The following CHRNB4 variants were observed in gnomAD, a reference collection of about 807,000 sequenced individuals.
The protein encoded by CHRNB4 is neuronal acetylcholine receptor subunit beta-4.
CHRNB4 carries 23 observed loss-of-function variants against 40.4 expected under a neutral mutation model. That is an observed-to-expected ratio of 0.57 (90% CI 0.41 to 0.81). CHRNB4 has a LOEUF of 0.81. Ranked by LOEUF, CHRNB4 falls within the 30% of genes least tolerant of loss-of-function variation. The pLI is 0.00. For missense variants in CHRNB4, 568 were observed against 670.6 expected (o/e 0.85, Z 1.69); for synonymous variants, 285 against 274.4 (o/e 1.04, Z -0.38).
intron 1 of CHRNB4, among the ~76,000 whole-genome samples, chr15:78,658,767 C>T (rs1420402413): frequency 6.6e-6 from 1 of 152,178 alleles, no homozygotes; most frequent in South Asian, 2.1e-4. Flanking sequence ...CTGCTAGGCC[C>T]TGACCTGAAC....
chr15:78,649,646 A>T (rs978854450), intron 6 of CHRNB4, among the ~76,000 whole-genome samples: 4 of 152,230 alleles, frequency 2.6e-5, no homozygotes, highest in Non-Finnish European at 4.4e-5. Flanking sequence ...TAAGCAAAAA[A>T]GTTTTGAATA....
upstream of CHRNB4, among the ~76,000 whole-genome samples, chr15:78,641,887 G>A (rs184660055): frequency 2.0e-4 from 30 of 152,320 alleles, no homozygotes; most frequent in African/African-American, 6.7e-4. Flanking sequence ...TCCTTGACGC[G>A]TTTTTGGAAT....
chr15:78,657,035 C>CT lies in CHRNB4; in HGVS notation c.-709+296dup, dbSNP rs146412541. On this transcript the variant is annotated intron_variant and NMD_transcript_variant, in intron 3 of 11. Transcript: ENST00000559849. ...TCCCTCCAATTGTTTTTCTTTTCTT[C>CT]TTTTTTTTTTTTGGAGACAGTTTCT... is the stretch of plus-strand genomic sequence containing the variant. Among the ~76,000 whole-genome samples the CT allele has an allele frequency of 1.5e-3, 219 of 144,838 alleles. 2 individuals are homozygous for CT. Among genetic ancestry groups the CT allele is most frequent in the Middle Eastern group, 0.014 (4 of 286 alleles).
chr15:78,650,938 G>C (rs1035126174), intron 6 of CHRNB4, among the ~76,000 whole-genome samples: 1 of 152,182 alleles, frequency 6.6e-6, no homozygotes, highest in African/African-American at 2.4e-5. Flanking sequence ...GTCGGGCTTT[G>C]TGAGATTTCA....
Position 78,641,085 on chromosome 15 carries a change from C to T in CHRNB4, c.49G>A (p.Gly17Arg), listed in dbSNP as rs540605951. Residue 17 changes from glycine (G) to arginine (R), a missense_variant, in exon 1 of 6, where the codon GGG (glycine) becomes AGG (arginine). Transcript: ENST00000261751. ...LVLFFLVALCGRGNCRVANAE... is the reference protein window; with the variant it reads ...LVLFFLVALCRRGNCRVANAE... ...TTCCCCGAAAAGAACTCACCGCGCC[C>T]GCAAAGGGCGACCAGGAAGAAAAGG... 2.0e-5 allele frequency: 32 copies of T among 1,580,358 alleles called. No individual in the cohort carries two copies. In the South Asian group the frequency reaches 2.8e-4, roughly 14 times the overall value.
chr15:78,639,584 C>T (rs527806704), intron 1 of CHRNB4, among the ~76,000 whole-genome samples: 129 of 152,312 alleles, frequency 8.5e-4, no homozygotes, highest in African/African-American at 2.9e-3. Context: ...AAGTGTGAGC[C>T]ACCGCGCCTG....
intron 2 of CHRNB4, among the ~76,000 whole-genome samples, chr15:78,633,766 A>G (rs1395103765): frequency 6.6e-6 from 1 of 152,086 alleles, no homozygotes; most frequent in East Asian, 1.9e-4. Context: ...AGAATGTGTC[A>G]AGTACAGGGG....
Position 78,629,507 on chromosome 15 carries a change from C to G in CHRNB4, c.798G>C (p.Leu266=). ...LPSDCGEKMT[L]CISVLLALTF... ...TCAGTGCCAGCAGCACTGAGATGCACAGTGTCATCTTCTCGCCGCAGTCGG... is the reference window on the plus strand; with the variant it reads ...TCAGTGCCAGCAGCACTGAGATGCAGAGTGTCATCTTCTCGCCGCAGTCGG... Residue 266 remains leucine (L), a synonymous_variant, in exon 5 of 6, where the codon CTG becomes CTC. Coordinates refer to ENST00000261751, the MANE Select transcript of CHRNB4 (RefSeq NM_000750.5). This position sits in a 1 kb window ranked among gnomAD's most constrained non-coding sequence, Gnocchi z 6.8. 3.1e-6 allele frequency: 5 copies of G among 1,614,132 alleles called. No homozygotes were observed. The highest frequency in any genetic ancestry group is 4.2e-6 in the Non-Finnish European group (5 of 1,180,020).
chr15:78,647,055 A>G lies in CHRNB4; in HGVS notation c.46+2324T>C, dbSNP rs1241389262. Among the ~76,000 whole-genome samples, 9 of 152,154 alleles carry G rather than the reference A, an allele frequency of 5.9e-5. No individual in the cohort carries two copies. The South Asian group carries it at 1.9e-3, about 32-fold the overall frequency. ...CTTAGGAGGCTGAGGCGGGAGGATC[A>G]CTGGAGCCCAGGAGTTTGAGGCTGC... On this transcript the variant is annotated intron_variant and NMD_transcript_variant, in intron 7 of 11. Transcript: ENST00000559849.
upstream of CHRNB4, among the ~76,000 whole-genome samples, chr15:78,642,123 T>G (rs2054084391): frequency 2.0e-5 from 3 of 152,150 alleles, no homozygotes; most frequent in Non-Finnish European, 2.9e-5. Context: ...TGCCACCTTA[T>G]CTCCAGGACT....
At chr15:78,653,432 C>A (rs1324076814) in intron 5 of CHRNB4, among the ~76,000 whole-genome samples, 5 of 152,172 alleles carry the variant, frequency 3.3e-5, no homozygotes, top group Admixed American at 6.5e-5. Flanking sequence ...ATTGAAGGAC[C>A]TCCTTACTCC....
intron 1 of CHRNB4, among the ~76,000 whole-genome samples, chr15:78,638,945 A>T (rs1426884650): frequency 6.6e-6 from 1 of 152,172 alleles, no homozygotes; most frequent in Non-Finnish European, 1.5e-5. Flanking sequence ...AATGATTCTG[A>T]TGAGGAGTGG....
At chr15:78,661,588 G>T (rs12437528), upstream of CHRNB4, 10,024 of 516,552 alleles carry the variant, frequency 0.019, 288 homozygotes, top group Admixed American at 0.092. Context: ...GGTCCTTGTT[G>T]GGGCGGATGT....
In CHRNB4 at chr15:78,625,274, C is replaced by T; in HGVS notation, c.1356G>A (p.Lys452=). Reference sequence around the variant, plus strand: ...GCCGGTCCACCACCATAGCCACGTACTTCCAGTCCTCAACGACCTGCAGGC... The same window carrying T: ...GCCGGTCCACCACCATAGCCACGTATTTCCAGTCCTCAACGACCTGCAGGC... ...DEDQSVVEDW[K]YVAMVVDRLF... Residue 452 remains lysine, a synonymous_variant, in exon 6 of 6, where the codon AAG becomes AAA. Coordinates refer to ENST00000261751, the MANE Select transcript of CHRNB4 (RefSeq NM_000750.5). 1 of 1,541,254 alleles carries T rather than the reference C, an allele frequency of 6.5e-7. No homozygotes were observed. Among genetic ancestry groups the T allele is most frequent in the South Asian group, 1.3e-5 (1 of 78,894 alleles).
chr15:78,652,307 C>G (rs1004071268), intron 6 of CHRNB4, among the ~76,000 whole-genome samples: 4 of 151,138 alleles, frequency 2.6e-5, no homozygotes, highest in African/African-American at 9.7e-5. Flanking sequence ...CTTTATAGAT[C>G]ACTGGCTGCT....
At chr15:78,658,028 C>T (rs1302719268) in intron 2 of CHRNB4, among the ~76,000 whole-genome samples, 4 of 90,548 alleles carry the variant, frequency 4.4e-5, no homozygotes, top group African/African-American at 8.5e-5. Flanking sequence ...TCTTGTTTCT[C>T]TTTTTTTTTT....
intron 6 of CHRNB4, among the ~76,000 whole-genome samples, chr15:78,650,490 A>G (rs1376602778): frequency 6.6e-6 from 1 of 152,210 alleles, no homozygotes; most frequent in Non-Finnish European, 1.5e-5. Flanking sequence ...GCCAAGCAGA[A>G]GTTGGTCTTC....
rs1322406448 is a variant in CHRNB4 at position 78,654,644 on chromosome 15, C to T, written c.-110+900G>A. Among the ~76,000 whole-genome samples, 4 of 152,144 alleles carry T rather than the reference C, an allele frequency of 2.6e-5. 1 individual carries two copies. Among genetic ancestry groups the T allele is most frequent in the South Asian group, 2.1e-4 (1 of 4,826 alleles). On this transcript the variant is annotated intron_variant and NMD_transcript_variant, in intron 5 of 11. Coordinates refer to the CHRNB4 transcript ENST00000559849. Reference sequence around the variant, plus strand: ...ATGTGAAATCCAGACAGGCAGATTCCGGAGTCCAGATCATCCCTATACTGT... The same window carrying T: ...ATGTGAAATCCAGACAGGCAGATTCTGGAGTCCAGATCATCCCTATACTGT...
chr15:78,631,429 C>T (rs113918161), intron 2 of CHRNB4, 97 bp from the exon 3 acceptor site: 56 of 1,181,226 alleles, frequency 4.7e-5, no homozygotes, highest in African/African-American at 4.6e-4. Context: ...TCCAGGCCCA[C>T]GTGACCAACT....
Sources: allele counts gnomAD v4.1 joint callset (sites outside exome capture counted in the v4.1 genomes callset), GRCh38; gene constraint gnomAD v4.1.1; non-coding constraint Gnocchi (gnomAD v3.1); transcripts MANE v1.5; gene names NCBI Gene and HGNC (gene_info 2026-07-23, HGNC 2026-07-21).